CYP1A1: variants seen among roughly 807,000 people sequenced by gnomAD.
CYP1A1 encodes the protein cytochrome P450 1A1.
Under a neutral mutation model 33.6 loss-of-function variants are expected in CYP1A1, and 43 were observed. The observed-to-expected ratio is 1.28, with a 90% CI of 1.00 to 1.65. CYP1A1 has a LOEUF of 1.65. CYP1A1 is among the 40% of genes most tolerant of loss of function. CYP1A1 has a pLI of 0.00. For missense variants in CYP1A1, 637 were observed against 653.7 expected (o/e 0.97, Z 0.28); for synonymous variants, 280 against 257.8 (o/e 1.09, Z -0.83).
intron 1 of CYP1A1, among the ~76,000 whole-genome samples, chr15:74,724,198 A>G (rs1276336949): frequency 1.3e-5 from 2 of 152,192 alleles, no homozygotes; most frequent in Non-Finnish European, 2.9e-5. Context: ...GAAGGTTCCC[A>G]CTAGGCTGTA....
chr15:74,725,215 C>CT (rs1280518693), intron 1 of CYP1A1: 1 of 152,414 alleles, frequency 6.6e-6, no homozygotes, highest in African/African-American at 2.4e-5. Context: ...GAGATGCCAT[C>CT]TGTATCTAGA....
intron 1 of CYP1A1, among the ~76,000 whole-genome samples, chr15:74,724,494 T>C (rs2063199684): frequency 6.6e-6 from 1 of 151,554 alleles, no homozygotes; most frequent in East Asian, 1.9e-4. Context: ...CCCAGCTGGA[T>C]CCAGAGGGAA....
rs1233083776 is a variant in CYP1A1, at chr15:74,722,991, C to T, written c.107G>A (p.Gly36Asp). 1.2e-6 allele frequency: 2 copies of T among 1,614,062 alleles called. No homozygotes were observed. The highest frequency in any genetic ancestry group is 1.7e-5 in the Admixed American group (1 of 60,016). Residue 36 changes from glycine (G) to aspartate (D), a missense_variant, in exon 2 of 7, where the codon GGC (glycine) becomes GAC (aspartate). By Grantham distance (94) the Gly-to-Asp change is moderately conservative (BLOSUM62 -1). Coordinates refer to ENST00000379727, the MANE Select transcript of CYP1A1 (RefSeq NM_001319217.2). Reference protein sequence around the residue: ...IRASRPQVPKGLKNPPGPWGW... With the variant: ...IRASRPQVPKDLKNPPGPWGW... ...CCATGGCCCTGGTGGATTCTTCAGG[C>T]CTTTGGGGACCTGAGGTCTTGAGGC... is the stretch of plus-strand genomic sequence containing the variant.
In CYP1A1 at chr15:74,720,736, C is replaced by T. The variant is rs746078945; in HGVS notation, c.1292G>A (p.Arg431Gln). ...GATAGCACCATCAGGGGTGAGAAAC[C>T]GTTCAGGTAGGAACTCAGATGGGTT... ...WVNPSEFLPE[R>Q]FLTPDGAIDK... Residue 431 changes from arginine (R) to glutamine (Q), a missense_variant, in exon 7 of 7, where the codon CGG becomes CAG. Physicochemically the swap from Arg to Gln is conservative, Grantham distance 43. Transcript: ENST00000379727. The T allele has an allele frequency of 1.9e-6, 3 of 1,613,630 alleles. No homozygotes were observed. Among genetic ancestry groups the T allele is most frequent in the African/African-American group, 1.3e-5 (1 of 74,894 alleles).
Position 74,721,724 on chromosome 15 carries a change from T to G in CYP1A1, c.826-7A>C. 1 of 1,613,512 alleles carries G rather than the reference T, an allele frequency of 6.2e-7. No homozygotes were observed. The highest frequency in any genetic ancestry group is 1.1e-5 in the South Asian group (1 of 90,996). ...TGATGTCCCGGATGTGGCCCTTAGGTAGGGAAAGTCCACAGGTGAGCAAGA... is the reference window on the plus strand; with the variant it reads ...TGATGTCCCGGATGTGGCCCTTAGGGAGGGAAAGTCCACAGGTGAGCAAGA... On this transcript the variant is annotated splice_polypyrimidine_tract_variant and splice_region_variant and intron_variant, in intron 2 of 6. Transcript: ENST00000379727.
Position 74,719,914 on chromosome 15 carries a change from C to T in CYP1A1, c.*575G>A, listed in dbSNP as rs2063154916. 6.6e-6 allele frequency: 1 copy of T among 152,380 alleles called. No homozygotes were observed. Among genetic ancestry groups the T allele is most frequent in the African/African-American group, 2.4e-5 (1 of 41,440 alleles). The allele number at this position is 152,380 out of a possible 1,614,324, so 9.4% of individuals were successfully genotyped here. A position where few individuals can be genotyped will look rare whatever the true frequency, so the allele number is the denominator to read the frequency against. ...AGGCCAGAAGGCAGCCCTGTTTGTT[C>T]CTGCCTGCAGGAAGGGCAGAGGAAT... On this transcript the variant is annotated 3_prime_UTR_variant, in exon 7 of 7. Transcript: ENST00000379727.
chr15:74,721,081 T>C (rs769428520), intron 5 of CYP1A1, 28 bp from the exon 6 acceptor site: 1 of 1,613,310 alleles, frequency 6.2e-7, no homozygotes, highest in Non-Finnish European at 8.5e-7. Flanking sequence ...TCAGTCAGGC[T>C]CAGGGCAACA....
At chr15:74,722,206 C>A (rs1364340889) in intron 2 of CYP1A1, 67 bp downstream of exon 2, 2 of 1,379,260 alleles carry the variant, frequency 1.5e-6, no homozygotes, top group African/African-American at 2.9e-5. Flanking sequence ...GTTCCTCTTA[C>A]CTTTGACCTC....
At chr15:74,721,143 G>A (rs1460690737) in intron 5 of CYP1A1, 56 bp downstream of exon 5, 5 of 1,608,424 alleles carry the variant, frequency 3.1e-6, no homozygotes, top group African/African-American at 1.3e-5. Flanking sequence ...CCCTAATCAG[G>A]TATGTGGTCC....
At position 74,721,419 on chromosome 15, in the gene CYP1A1, T is replaced by C. The variant is rs781050138; in HGVS notation, c.1037A>G (p.Glu346Gly). The C allele has an allele frequency of 5.0e-6, 8 of 1,614,138 alleles. No individual in the cohort carries two copies. The Admixed American group carries it at 1.3e-4, about 27-fold the overall frequency. ...TGAAGGGAGCCACTACCTACCTAGC[T>C]CCTCTTGGATCTTTCTCTGTACCCT... ...NPRVQRKIQE[E>G]LDTVIGRSRR... The change falls in exon 4 of 7, where the codon GAG (glutamate) becomes GGG (glycine). Residue 346 changes from glutamate to glycine, a missense_variant. Transcript: ENST00000379727.
Position 74,722,713 on chromosome 15 carries a change from G to T in CYP1A1, c.385C>A (p.Pro129Thr). 1 of 1,613,284 alleles carries T rather than the reference G, an allele frequency of 6.2e-7. No homozygotes were observed. Among genetic ancestry groups the T allele is most frequent in the Non-Finnish European group, 8.5e-7 (1 of 1,180,018 alleles). Reference sequence around the variant, plus strand: ...AGGCGCCGGCGGGCAGCCCACACTGGTCCAGAGTCTGGGCTGAAGGACATG... The same window carrying T: ...AGGCGCCGGCGGGCAGCCCACACTGTTCCAGAGTCTGGGCTGAAGGACATG... ...QSMSFSPDSGPVWAARRRLAQ... is the reference protein window; with the variant it reads ...QSMSFSPDSGTVWAARRRLAQ... Residue 129 changes from proline to threonine, a missense_variant, in exon 2 of 7, where the codon CCA becomes ACA. Transcript: ENST00000379727.
At position 74,722,858 on chromosome 15, in the gene CYP1A1, G is replaced by A. The variant is rs55864856; in HGVS notation, c.240C>T (p.Ser80=). The change falls in exon 2 of 7, where the codon TCC becomes TCT. Residue 80 remains serine (S), a synonymous_variant. Transcript: ENST00000379727. ...GGCCGCTCAGCACCACCACGGGTGT[G>A]GAGCCAATTCGGATCTGCAGCACGT... ...YGDVLQIRIG[S]TPVVVLSGLD... 6.9e-5 allele frequency: 111 copies of A among 1,614,148 alleles called. No homozygotes were observed. In the East Asian group the frequency reaches 1.6e-3, roughly 24 times the overall value.
At chr15:74,723,993 T>A (rs1344009386) in intron 1 of CYP1A1, among the ~76,000 whole-genome samples, 1 of 152,124 alleles carries the variant, frequency 6.6e-6, no homozygotes. Context: ...GATGGCCACT[T>A]CCCAAACCAC....
At position 74,723,017 on chromosome 15, in the gene CYP1A1, C is replaced by A; in HGVS notation, c.81G>T (p.Arg27Ser). 1 of 1,613,576 alleles carries A rather than the reference C, an allele frequency of 6.2e-7. No homozygotes were observed. Among genetic ancestry groups the A allele is most frequent in the Non-Finnish European group, 8.5e-7 (1 of 1,179,714 alleles). ...VIFCLVFWVIRASRPQVPKGL... is the reference protein window; with the variant it reads ...VIFCLVFWVISASRPQVPKGL... ...CTTTGGGGACCTGAGGTCTTGAGGC[C>A]CTGATTACCCAGAATACCAGACAGA... The change falls in exon 2 of 7, where the codon AGG (arginine) becomes AGT (serine). Residue 27 changes from arginine to serine, a missense_variant. Coordinates refer to ENST00000379727, the MANE Select transcript of CYP1A1 (RefSeq NM_001319217.2).
intron 6 of CYP1A1, 85 bp from the exon 7 acceptor site, chr15:74,720,859 G>A: frequency 6.4e-7 from 1 of 1,566,764 alleles, no homozygotes; most frequent in Non-Finnish European, 8.7e-7. Context: ...AAGGATAGAG[G>A]ACAGGCAAGC....
Position 74,722,456 on chromosome 15 carries a change from C to G in CYP1A1, c.642G>C (p.Leu214=), listed in dbSNP as rs745487156. The G allele has an allele frequency of 6.2e-7, 1 of 1,614,062 alleles. No homozygotes were observed. The highest frequency in any genetic ancestry group is 1.1e-5 in the South Asian group (1 of 91,070). ...TATTATTCAGGTTGACTAGGCTAAG[C>G]AGTTCTTGGTGGTTGTGGTCATAGC... The part of the protein sequence containing the change: ...GRRYDHNHQE[L]LSLVNLNNNF... Residue 214 remains leucine (L), a synonymous_variant, in exon 2 of 7, where the codon CTG becomes CTC. Coordinates refer to ENST00000379727, the MANE Select transcript of CYP1A1 (RefSeq NM_001319217.2).
chr15:74,723,507 C>A (rs1201955836), intron 1 of CYP1A1, among the ~76,000 whole-genome samples: 3 of 152,312 alleles, frequency 2.0e-5, no homozygotes, highest in Non-Finnish European at 1.5e-5. Context: ...TCTGTGATTT[C>A]CACATAGTAC....
At position 74,721,000 on chromosome 15, in the gene CYP1A1, A is replaced by T. The variant is rs1471948876; in HGVS notation, c.1220T>A (p.Val407Asp). Residue 407 changes from valine (V) to aspartate (D), a missense_variant, in exon 6 of 7, where the codon GTC (valine) becomes GAC (aspartate). Physicochemically the swap from Val to Asp is radical, Grantham distance 152. Coordinates refer to ENST00000379727, the MANE Select transcript of CYP1A1 (RefSeq NM_001319217.2). Reference sequence around the variant, plus strand: ...GTTGATCTGCCACTGGTTTACAAAGACACAACGCCCCTTGGGGATGTAAAA... The same window carrying T: ...GTTGATCTGCCACTGGTTTACAAAGTCACAACGCCCCTTGGGGATGTAAAA... ...KGFYIPKGRC[V>D]FVNQWQINHD... 4 of 1,614,066 alleles carry T rather than the reference A, an allele frequency of 2.5e-6. No individual in the cohort carries two copies. Among genetic ancestry groups the T allele is most frequent in the African/African-American group, 1.3e-5 (1 of 74,916 alleles).
intron 5 of CYP1A1, 62 bp from the exon 6 acceptor site, chr15:74,721,115 C>T: frequency 6.2e-7 from 1 of 1,609,868 alleles, no homozygotes; most frequent in Non-Finnish European, 8.5e-7. Flanking sequence ...GTCTCCCATG[C>T]CGTGTCCCTC....
Sources: gnomAD v4.1 joint callset for allele counts (sites outside exome capture counted in the v4.1 genomes callset) on GRCh38, gnomAD v4.1.1 for gene constraint, MANE v1.5 for transcripts, NCBI Gene and HGNC (gene_info 2026-07-23, HGNC 2026-07-21) for gene names.